The following RYR2 variants were observed in gnomAD, a reference collection of about 807,000 sequenced individuals.
The protein encoded by RYR2 is ryanodine receptor 2.
A neutral mutation model predicts 601.1 loss-of-function variants in RYR2; 227 were observed. The observed-to-expected ratio is 0.38, with a 90% CI of 0.34 to 0.42. The LOEUF (loss-of-function observed/expected upper bound fraction) is 0.42. RYR2 is among the 10% of genes least tolerant of loss of function. The probability of loss-of-function intolerance (pLI) is 1.00; values close to 1 mark genes in which losing one functional copy is unlikely to be tolerated. For missense variants in RYR2, 4,646 were observed against 6,156.5 expected, an observed-to-expected ratio of 0.75 and a Z score of 8.21; for synonymous variants, 2,223 against 2,175.1, an observed-to-expected ratio of 1.02 and a Z score of -0.61.
intron 25 of RYR2, among the ~76,000 whole-genome samples, chr1:237,537,831 A>G (rs1258392961): frequency 6.6e-6 from 1 of 152,238 alleles, no homozygotes; most frequent in Non-Finnish European, 1.5e-5. Context: ...AGCCAGATAT[A>G]TGGAAGAACA....
intron 1 of RYR2, among the ~76,000 whole-genome samples, chr1:237,203,565 A>G (rs116308951): frequency 0.029 from 4,439 of 152,316 alleles, 216 homozygotes; most frequent in African/African-American, 0.1. Flanking sequence ...GCCCCAATGG[A>G]TATTCATAGC....
At chr1:237,576,989 A>G (rs2779419) in intron 29 of RYR2, among the ~76,000 whole-genome samples, 96,608 of 152,046 alleles carry the variant, frequency 0.64, 32,106 homozygotes, top group Non-Finnish European at 0.73. Context: ...ACACCCATAG[A>G]ACCTCTTTTA....
intron 80 of RYR2, among the ~76,000 whole-genome samples, chr1:237,752,563 A>AATC (rs1395516014): frequency 6.6e-6 from 1 of 152,160 alleles, no homozygotes; most frequent in East Asian, 1.9e-4. Context: ...AAATGTAGCT[A>AATC]ATCTACATTT....
At chr1:237,326,502 C>T (rs899995012) in intron 2 of RYR2, among the ~76,000 whole-genome samples, 4 of 152,236 alleles carry the variant, frequency 2.6e-5, no homozygotes, top group African/African-American at 7.2e-5. Context: ...TACAGGTAAA[C>T]GCCATATGTA....
intron 1 of RYR2, among the ~76,000 whole-genome samples, chr1:237,064,501 G>T (rs567599872): frequency 6.4e-4 from 97 of 151,728 alleles, no homozygotes; most frequent in African/African-American, 2.2e-3. Context: ...TTATTTTCTG[G>T]CAAAAATGGT....
At chr1:237,251,165 A>T (rs1161566417) in intron 1 of RYR2, among the ~76,000 whole-genome samples, 1 of 151,996 alleles carries the variant, frequency 6.6e-6, no homozygotes, top group African/African-American at 2.4e-5. Flanking sequence ...TAGTGCCTGA[A>T]ATGTCACAGA....
intron 60 of RYR2, among the ~76,000 whole-genome samples, chr1:237,677,497 A>C (rs1172871190): frequency 2.0e-5 from 3 of 152,184 alleles, no homozygotes; most frequent in Non-Finnish European, 4.4e-5. Flanking sequence ...CTTTAGTGGA[A>C]TGCTAATTTG....
chr1:237,731,593 A>G (rs1189605956), intron 77 of RYR2, among the ~76,000 whole-genome samples: 2 of 152,138 alleles, frequency 1.3e-5, no homozygotes, highest in African/African-American at 4.8e-5. Context: ...GCTAAAATCC[A>G]TGCAGCAAAT....
intron 1 of RYR2, chr1:237,267,653 C>A: frequency 7.9e-6 from 2 of 254,060 alleles, no homozygotes; most frequent in South Asian, 6.5e-5. Context: ...ATATTGAGAG[C>A]TTCTTAGAAA....
At chr1:237,538,649 T>C (rs1324143422) in intron 25 of RYR2, among the ~76,000 whole-genome samples, 1 of 151,594 alleles carries the variant, frequency 6.6e-6, no homozygotes, top group Non-Finnish European at 1.5e-5. Context: ...GCACAACCTG[T>C]AATCCCGGCT....
chr1:237,481,379 C>G (rs1258511055), intron 17 of RYR2, among the ~76,000 whole-genome samples: 1 of 151,994 alleles, frequency 6.6e-6, no homozygotes, highest in East Asian at 1.9e-4. Context: ...TTTAAACAAA[C>G]AAAAACATTT....
intron 1 of RYR2, among the ~76,000 whole-genome samples, chr1:237,183,950 T>C (rs574985144): frequency 2.3e-4 from 35 of 152,312 alleles, no homozygotes; most frequent in African/African-American, 8.2e-4. Flanking sequence ...GAGAAGTCAA[T>C]AGTGAGAACT....
intron 1 of RYR2, among the ~76,000 whole-genome samples, chr1:237,178,089 A>G (rs1311638470): frequency 6.6e-6 from 1 of 152,222 alleles, no homozygotes; most frequent in East Asian, 1.9e-4. Context: ...GATGTAAAAT[A>G]AAATCTTGGG....
intron 6 of RYR2, among the ~76,000 whole-genome samples, chr1:237,372,703 A>G (rs1189031530): frequency 6.6e-6 from 1 of 152,228 alleles, no homozygotes; most frequent in Non-Finnish European, 1.5e-5. Flanking sequence ...ACTACTCTCT[A>G]TACATAATAG....
intron 1 of RYR2, among the ~76,000 whole-genome samples, chr1:237,047,663 C>A (rs915077401): frequency 1.3e-5 from 2 of 152,154 alleles, no homozygotes; most frequent in Non-Finnish European, 2.9e-5. Flanking sequence ...CCCTTAGATT[C>A]CTTCTCAAGC....
At chr1:237,679,896 G>T (rs545678040) in intron 61 of RYR2, among the ~76,000 whole-genome samples, 2 of 152,312 alleles carry the variant, frequency 1.3e-5, no homozygotes, top group South Asian at 4.1e-4. Flanking sequence ...GACAGAGTGA[G>T]GAGGAGGAAT....
At chr1:237,685,788 G>A (rs1686334362) in intron 62 of RYR2, among the ~76,000 whole-genome samples, 1 of 152,102 alleles carries the variant, frequency 6.6e-6, no homozygotes, top group African/African-American at 2.4e-5. Context: ...CAGGTCAAGG[G>A]CCTCATGACT....
chr1:237,148,527 AATAT>A lies in RYR2; in HGVS notation c.48+105982_48+105985del, dbSNP rs1553316811. Among the ~76,000 whole-genome samples the A allele has an allele frequency of 5.9e-3, 492 of 83,888 alleles. 3 individuals carry two copies. Among genetic ancestry groups the A allele is most frequent in the South Asian group, 0.036 (81 of 2,268 alleles). The allele number at this position is 83,888 out of a possible 152,430, so 55.0% of individuals were successfully genotyped here. On this transcript the variant is annotated intron_variant, in intron 1 of 104. Coordinates refer to ENST00000366574, the MANE Select transcript of RYR2 (RefSeq NM_001035.3). Reference sequence around the variant, plus strand: ...CCAGAACTTCAAGTAAAAAAAAAAAAATATATATATATATATATATATATATACA... The same window carrying A: ...CCAGAACTTCAAGTAAAAAAAAAAAAATATATATATATATATATATATACA...
chr1:237,454,270 C>A, intron 14 of RYR2, 121 bp from the exon 15 acceptor site: 1 of 987,370 alleles, frequency 1.0e-6, no homozygotes, highest in Non-Finnish European at 1.4e-6. Flanking sequence ...GAGGACCTTT[C>A]TGACATGTCC....
Sources: gnomAD v4.1 joint callset for allele counts (sites outside exome capture counted in the v4.1 genomes callset) on GRCh38, gnomAD v4.1.1 for gene constraint, MANE v1.5 for transcripts, NCBI Gene and HGNC (gene_info 2026-07-23, HGNC 2026-07-21) for gene names.